The following GTPBP6 variants were observed in gnomAD, a reference collection of about 807,000 sequenced individuals.
GTPBP6 encodes the protein GTP binding protein 6, also known as putative GTP-binding protein 6.
In GTPBP6, 33 loss-of-function variants were observed where a neutral mutation model predicts 28.9. The ratio of observed to expected loss-of-function variants is 1.14; its 90% CI spans 0.87 to 1.53. GTPBP6 has a LOEUF of 1.53. GTPBP6 is among the 40% of genes most tolerant of loss of function. GTPBP6 has a pLI of 0.00. For missense variants in GTPBP6, 507 were observed against 408.3 expected, an observed-to-expected ratio of 1.24 and a Z score of -2.08; for synonymous variants, 231 against 192.7, an observed-to-expected ratio of 1.20 and a Z score of -1.65.
chrX:307,542 C>T (rs765439013), intron 8 of GTPBP6, 30 bp from the exon 9 acceptor site: 3 of 1,606,766 alleles, frequency 1.9e-6, no homozygotes, highest in East Asian at 2.2e-5. Context: ...ACAGGCCCCG[C>T]TCAGCGTCGG....
At chrX:317,990 C>A (rs1243477759) in intron 1 of GTPBP6, among the ~76,000 whole-genome samples, 1 of 148,202 alleles carries the variant, frequency 6.7e-6, no homozygotes, top group African/African-American at 2.5e-5. Flanking sequence ...CTCAGAGCCC[C>A]GCCCCTCAGC....
exon 9 of GTPBP6, chrX:307,466 C>G (rs764687426): frequency 1.2e-6 from 2 of 1,611,530 alleles, no homozygotes; most frequent in South Asian, 2.2e-5. Flanking sequence ...AGCCCGTGGC[C>G]CCGCAGGGCA....
At chrX:312,603 T>C (rs767178344) in intron 6 of GTPBP6, 163 bp downstream of exon 6, 6 of 758,674 alleles carry the variant, frequency 7.9e-6, no homozygotes, top group South Asian at 7.3e-5. Flanking sequence ...GCAGCTGGTG[T>C]ACCCCACACG....
intron 7 of GTPBP6, among the ~76,000 whole-genome samples, chrX:308,667 G>A (rs2070222612): frequency 2.0e-5 from 3 of 151,654 alleles, no homozygotes; most frequent in South Asian, 2.1e-4. Flanking sequence ...GTGACAGAGC[G>A]AGACCCTGTC....
intron 4 of GTPBP6, among the ~76,000 whole-genome samples, chrX:314,527 C>T (rs1187360382): frequency 6.6e-6 from 1 of 151,530 alleles, no homozygotes; most frequent in Non-Finnish European, 1.5e-5. Context: ...GGCTGGAGTG[C>T]AGTGGCGTGA....
intron 1 of GTPBP6, among the ~76,000 whole-genome samples, chrX:317,854 C>A (rs1258283565): frequency 6.8e-6 from 1 of 147,972 alleles, no homozygotes; most frequent in Non-Finnish European, 1.5e-5. Context: ...GATATCCTCC[C>A]CTCTTCCCCA....
chrX:311,518 G>A (rs2070298022), exon 7 of GTPBP6: 2 of 1,612,322 alleles, frequency 1.2e-6, no homozygotes, highest in Non-Finnish European at 1.7e-6. Flanking sequence ...GGACGGTCAT[G>A]CGTGAGGGCA....
chrX:314,926 C>T (rs1413520771), exon 4 of GTPBP6: 8 of 398,640 alleles, frequency 2.0e-5, no homozygotes, highest in Middle Eastern at 6.2e-4. Context: ...CACCTGAAGC[C>T]GGGCCTCCTT....
chrX:316,340 G>GACAC (rs1168593634), intron 2 of GTPBP6, among the ~76,000 whole-genome samples: 2,249 of 94,780 alleles, frequency 0.024, 178 homozygotes, highest in African/African-American at 0.085. Context: ...TCCCATTGGG[G>GACAC]ACACACACAC....
chrX:314,247 C>T (rs759763034), intron 4 of GTPBP6, 30 bp from the exon 5 acceptor site: 1 of 1,572,726 alleles, frequency 6.4e-7, no homozygotes, highest in East Asian at 2.2e-5. Context: ...GGCTCGGTCT[C>T]TGCGGACGCT....
At chrX:318,535 G>T (rs1275354376) in exon 1 of GTPBP6, 8 of 398,400 alleles carry the variant, frequency 2.0e-5, no homozygotes, top group African/African-American at 1.6e-4. Flanking sequence ...TCTCCCCGCA[G>T]CAGCTCCTCC....
intron 5 of GTPBP6, 98 bp downstream of exon 5, chrX:314,052 C>T (rs2070374690): frequency 2.1e-6 from 2 of 945,052 alleles, no homozygotes; most frequent in South Asian, 2.7e-5. Context: ...CCCAGCTGGA[C>T]CCCACCCTGT....
At chrX:307,506 G>T (rs1227721862) in exon 9 of GTPBP6, 6 of 1,610,884 alleles carry the variant, frequency 3.7e-6, no homozygotes, top group Non-Finnish European at 5.1e-6. Flanking sequence ...GTTCCGTGGG[G>T]CTGTACCTGC....
At chrX:312,104 T>G in intron 6 of GTPBP6, 1 of 454,062 alleles carries the variant, frequency 2.2e-6, no homozygotes, top group Non-Finnish European at 4.4e-6. Context: ...GATGGGTGGA[T>G]TGTATAGACG....
intron 4 of GTPBP6, 55 bp downstream of exon 4, chrX:314,835 G>C (rs1368182163): frequency 5.0e-6 from 2 of 400,788 alleles, no homozygotes; most frequent in Non-Finnish European, 8.8e-6. Flanking sequence ...CTACAGAACG[G>C]AGGGGTTCCG....
Position 311,469 on chromosome X carries a change from G to A in GTPBP6, c.1075C>T (p.His359Tyr), listed in dbSNP as rs112116195. The change falls in exon 7 of 10, where the codon CAC becomes TAC. Residue 359 changes from histidine (H) to tyrosine (Y), a missense_variant. His to Tyr is a moderately conservative substitution (Grantham distance 83). Transcript: ENST00000326153. ...GCGGAGAAGGACTCGATGAGGCCGT[G>A]CGGCAGCTGGGAGAGGAAGCCGATG... is the stretch of plus-strand genomic sequence containing the variant. The A allele has an allele frequency of 2.5e-4, 400 of 1,612,098 alleles. 5 individuals are homozygous for A. In the African/African-American group the frequency reaches 4.7e-3, roughly 19 times the overall value.
chrX:310,581 C>A (rs1245608603), intron 7 of GTPBP6, among the ~76,000 whole-genome samples: 1 of 139,698 alleles, frequency 7.2e-6, no homozygotes, highest in African/African-American at 3.0e-5. Flanking sequence ...TAGGGTGGAC[C>A]CTAAATCTAA....
At chrX:317,809 C>G (rs2070468076) in intron 1 of GTPBP6, among the ~76,000 whole-genome samples, 1 of 145,794 alleles carries the variant, frequency 6.9e-6, no homozygotes, top group Non-Finnish European at 1.5e-5. Flanking sequence ...CCATAGGCCC[C>G]TCCCCCGAAG....
chrX:305,886 C>T (rs926035656), intron 9 of GTPBP6, among the ~76,000 whole-genome samples: 6 of 152,002 alleles, frequency 3.9e-5, no homozygotes, highest in African/African-American at 1.2e-4. Flanking sequence ...GGCCTCCCAA[C>T]GTGTTGGGAT....
Sources: allele counts gnomAD v4.1 joint callset (sites outside exome capture counted in the v4.1 genomes callset), GRCh38; gene constraint gnomAD v4.1.1; transcripts MANE v1.5; gene names NCBI Gene and HGNC (gene_info 2026-07-23, HGNC 2026-07-21).